CLEC7A: variants seen among roughly 807,000 people sequenced by gnomAD.
The protein encoded by CLEC7A is C-type lectin domain family 7 member A.
Under a neutral mutation model 26.9 loss-of-function variants are expected in CLEC7A, and 25 were observed. That is an observed-to-expected ratio of 0.93 (90% CI 0.68 to 1.30). The LOEUF (loss-of-function observed/expected upper bound fraction) is 1.30. Ranked by LOEUF, CLEC7A falls within the 50% of genes most tolerant of loss-of-function variation. The probability of loss-of-function intolerance (pLI) is 0.00; values close to 1 mark genes in which losing one functional copy is unlikely to be tolerated. For missense variants in CLEC7A, 275 were observed against 286.7 expected (o/e 0.96, Z 0.29); for synonymous variants, 100 against 99.5 (o/e 1.01, Z -0.03).
chr12:10,127,477 G>C (rs751533359), intron 2 of CLEC7A: 1 of 1,606,400 alleles, frequency 6.2e-7, no homozygotes, highest in East Asian at 2.2e-5. Flanking sequence ...ATGTAGTTAA[G>C]AGTATGAGTT....
In CLEC7A at chr12:10,117,816, T is replaced by C. The variant is rs562608492; in HGVS notation, c.*642A>G. 1.3e-5 allele frequency: 2 copies of C among 152,560 alleles called. No homozygotes were observed. Among genetic ancestry groups the C allele is most frequent in the African/African-American group, 4.8e-5 (2 of 41,556 alleles). 9.5% of individuals were successfully genotyped at this position (152,560 alleles called of 1,614,324 possible). The stretch of plus-strand genomic sequence containing the variant: ...CAACACACCGTGCACTTCAATGGCA[T>C]TGTTGAGCATGAAACAACTCTGATA... On this transcript the variant is annotated 3_prime_UTR_variant, in exon 6 of 6. Coordinates refer to ENST00000304084, the MANE Select transcript of CLEC7A (RefSeq NM_197947.3).
intron 2 of CLEC7A, 25 bp from the exon 3 acceptor site, chr12:10,126,733 G>A (rs1315129594): frequency 1.9e-6 from 3 of 1,568,182 alleles, no homozygotes; most frequent in Admixed American, 1.9e-5. Flanking sequence ...AATAATAATA[G>A]TGACAGAAAA....
Position 10,118,044 on chromosome 12 carries a change from A to G in CLEC7A, c.*414T>C, listed in dbSNP as rs1276491555. On this transcript the variant is annotated 3_prime_UTR_variant, in exon 6 of 6. Coordinates refer to ENST00000304084, the MANE Select transcript of CLEC7A (RefSeq NM_197947.3). Reference sequence around the variant, plus strand: ...TGGCAAAACCCAGTCTCTACAAAAAACACCAAAAATTAGCCTGGCATGGTG... The same window carrying G: ...TGGCAAAACCCAGTCTCTACAAAAAGCACCAAAAATTAGCCTGGCATGGTG... 3.0e-5 allele frequency: 5 copies of G among 167,752 alleles called. No homozygotes were observed. Among genetic ancestry groups the G allele is most frequent in the Non-Finnish European group, 5.1e-5 (4 of 78,670 alleles). 10.4% of individuals were successfully genotyped at this position (167,752 alleles called of 1,614,324 possible). A position where few individuals can be genotyped will look rare whatever the true frequency, so the allele number is the denominator to read the frequency against.
At chr12:10,127,518 T>C (rs1948331849) in intron 2 of CLEC7A, 1 of 1,380,112 alleles carries the variant, frequency 7.2e-7, no homozygotes, top group Non-Finnish European at 1.0e-6. Flanking sequence ...TTTCTAATCA[T>C]GGTCCCACCA....
At chr12:10,126,749 C>A in intron 2 of CLEC7A, 41 bp from the exon 3 acceptor site, 1 of 1,516,354 alleles carries the variant, frequency 6.6e-7, no homozygotes, top group South Asian at 1.2e-5. Flanking sequence ...GAAAAAATGT[C>A]ATTCTGCTGT....
chr12:10,123,391 A>G lies in CLEC7A; in HGVS notation c.493-28T>C, dbSNP rs746882037. 4 of 1,199,298 alleles carry G rather than the reference A, an allele frequency of 3.3e-6. No individual in the cohort carries two copies. The African/African-American group carries it at 6.3e-5, about 19-fold the overall frequency. The allele number at this position is 1,199,298 out of a possible 1,614,324, so 74.3% of individuals were successfully genotyped here. A position where few individuals can be genotyped will look rare whatever the true frequency, so the allele number is the denominator to read the frequency against. On this transcript the variant is annotated intron_variant, in intron 4 of 5. Coordinates refer to ENST00000304084, the MANE Select transcript of CLEC7A (RefSeq NM_197947.3). ...GTAATGAAACATATACAAATATATAATAAAGAGAGAGAGAGAGAGAGAAAG... is the reference window on the plus strand; with the variant it reads ...GTAATGAAACATATACAAATATATAGTAAAGAGAGAGAGAGAGAGAGAAAG...
chr12:10,128,170 C>T (rs1344741537), intron 1 of CLEC7A, among the ~76,000 whole-genome samples: 1 of 150,390 alleles, frequency 6.6e-6, no homozygotes, highest in African/African-American at 2.5e-5. Context: ...CCTAGGAATT[C>T]CAGAGCAGCA....
intron 1 of CLEC7A, 105 bp from the exon 2 acceptor site, chr12:10,127,950 C>T (rs1032909094): frequency 5.4e-6 from 4 of 739,408 alleles, no homozygotes; most frequent in Non-Finnish European, 4.5e-6. Context: ...CACGGTGGCT[C>T]ACACCTGTAA....
chr12:10,120,255 G>A lies in CLEC7A; in HGVS notation c.612-1665C>T, dbSNP rs1271673041. Among the ~76,000 whole-genome samples, 4 of 152,178 alleles carry A rather than the reference G, an allele frequency of 2.6e-5. No homozygotes were observed. The East Asian group carries it at 7.7e-4, about 29-fold the overall frequency. On this transcript the variant is annotated intron_variant, in intron 5 of 5. Coordinates refer to ENST00000304084, the MANE Select transcript of CLEC7A (RefSeq NM_197947.3). The stretch of plus-strand genomic sequence containing the variant: ...TTCCAGGAGAAGGGAAAAAAGATGG[G>A]GAAAAGCAAAATATGAAGCAAGTAT...
chr12:10,117,142 A>G lies in CLEC7A; in HGVS notation c.*1316T>C, dbSNP rs1359523968. On this transcript the variant is annotated 3_prime_UTR_variant, in exon 6 of 6. Coordinates refer to ENST00000304084, the MANE Select transcript of CLEC7A (RefSeq NM_197947.3). ...CCAATGAGGTTGGTTACTTTTTTAT[A>G]TTCATCATCAGATTTTATGTATTTT... The G allele has an allele frequency of 6.6e-6, 1 of 152,234 alleles. No individual in the cohort carries two copies. Among genetic ancestry groups the G allele is most frequent in the African/African-American group, 2.4e-5 (1 of 41,458 alleles). 9.4% of individuals were successfully genotyped at this position (152,234 alleles called of 1,614,324 possible).
In CLEC7A at chr12:10,130,032, T is replaced by C. The variant is rs757257685; in HGVS notation, c.51A>G (p.Gln17=). The C allele has an allele frequency of 1.9e-6, 3 of 1,611,484 alleles. No homozygotes were observed. Among genetic ancestry groups the C allele is most frequent in the Non-Finnish European group, 2.5e-6 (3 of 1,177,646 alleles). ...LENLDEDGYT[Q]LHFDSQSNTR... ...TATTGCTTTGAGAGTCGAAGTGTAA[T>C]TGAGTATATCCATCTTCATCCAAAT... The change falls in exon 1 of 6, where the codon CAA becomes CAG. Residue 17 remains glutamine, a synonymous_variant. Coordinates refer to ENST00000304084, the MANE Select transcript of CLEC7A (RefSeq NM_197947.3).
At chr12:10,120,280 T>G (rs1948036791) in intron 5 of CLEC7A, among the ~76,000 whole-genome samples, 1 of 152,188 alleles carries the variant, frequency 6.6e-6, no homozygotes, top group African/African-American at 2.4e-5. Flanking sequence ...GAAGCAAGTA[T>G]GGCTGAGAAT....
rs950226465 is a variant in CLEC7A, at chr12:10,127,480, T to G, written c.202+267A>C. On this transcript the variant is annotated intron_variant, in intron 2 of 5. Transcript: ENST00000304084. The stretch of plus-strand genomic sequence containing the variant: ...GGTAGGAGAGCAATGTAGTTAAGAG[T>G]ATGAGTTTTTTAGACAGATCACCCA... 3.1e-6 allele frequency: 5 copies of G among 1,603,832 alleles called. No homozygotes were observed. The Admixed American group carries it at 8.4e-5, about 27-fold the overall frequency.
At position 10,126,652 on chromosome 12, in the gene CLEC7A, T is replaced by C. The variant is rs1417925295; in HGVS notation, c.259A>G (p.Arg87Gly). Residue 87 changes from arginine (R) to glycine (G), a missense_variant, in exon 3 of 6, where the codon AGA (arginine) becomes GGA (glycine). By Grantham distance (125) the Arg-to-Gly change is moderately radical. Transcript: ENST00000304084. ...GGTTGACTGTGGTTCTCTTTATTTC[T>C]TGATAGAAAGTAGCCATTCTCCAAT... ...NTLENGYFLS[R>G]NKENHSQPTQ... The C allele has an allele frequency of 4.3e-6, 7 of 1,612,858 alleles. No individual in the cohort carries two copies. Among genetic ancestry groups the C allele is most frequent in the African/African-American group, 4.0e-5 (3 of 74,842 alleles).
In CLEC7A at chr12:10,123,085, T is replaced by A. The variant is rs11053608; in HGVS notation, c.611+160A>T. Among the ~76,000 whole-genome samples, 7 of 151,906 alleles carry A rather than the reference T, an allele frequency of 4.6e-5. No individual in the cohort carries two copies. The East Asian group carries it at 7.8e-4, about 17-fold the overall frequency. On this transcript the variant is annotated intron_variant, in intron 5 of 5. Transcript: ENST00000304084. ...TAAGGTCCTCCTCATCTTTCTCCTC[T>A]TGTCCTAGTTCACTCTTTCTCTTCT...
Position 10,125,545 on chromosome 12 carries a change from A to T in CLEC7A, c.341-97T>A, listed in dbSNP as rs1591956502. 3 of 944,540 alleles carry T rather than the reference A, an allele frequency of 3.2e-6. No homozygotes were observed. In the East Asian group the frequency reaches 8.4e-5, roughly 27 times the overall value. The allele number at this position is 944,540 out of a possible 1,614,324, so 58.5% of individuals were successfully genotyped here. A position where few individuals can be genotyped will look rare whatever the true frequency, so the allele number is the denominator to read the frequency against. On this transcript the variant is annotated intron_variant, in intron 3 of 5. Coordinates refer to ENST00000304084, the MANE Select transcript of CLEC7A (RefSeq NM_197947.3). Reference sequence around the variant, plus strand: ...TCTTAAGGACACTTATGAAATAACCAATTAGTTGCCATTTTTATATTTCAT... The same window carrying T: ...TCTTAAGGACACTTATGAAATAACCTATTAGTTGCCATTTTTATATTTCAT...
chr12:10,118,688 G>A (rs1947984789), intron 5 of CLEC7A, 98 bp from the exon 6 acceptor site: 2 of 1,008,792 alleles, frequency 2.0e-6, no homozygotes, highest in Non-Finnish European at 2.9e-6. Context: ...GGTGAAAAGA[G>A]TTCTGAAGTG....
At chr12:10,126,976 C>G in intron 2 of CLEC7A, 1 of 1,210,364 alleles carries the variant, frequency 8.3e-7, no homozygotes, top group Non-Finnish European at 1.1e-6. Flanking sequence ...AGGGAGGCAG[C>G]AAGAGGCAAA....
At chr12:10,126,798 A>C (rs1948301982) in intron 2 of CLEC7A, 90 bp from the exon 3 acceptor site, 1 of 983,182 alleles carries the variant, frequency 1.0e-6, no homozygotes, top group African/African-American at 1.7e-5. Flanking sequence ...ATGTTATTGG[A>C]ATAAAAGAAT....
Sources: allele counts gnomAD v4.1 joint callset (sites outside exome capture counted in the v4.1 genomes callset), GRCh38; gene constraint gnomAD v4.1.1; transcripts MANE v1.5; gene names NCBI Gene and HGNC (gene_info 2026-07-23, HGNC 2026-07-21).